The following CASZ1 variants were observed in gnomAD, a reference collection of about 807,000 sequenced individuals.
CASZ1 encodes zinc finger protein castor homolog 1.
A neutral mutation model predicts 135.2 loss-of-function variants in CASZ1; 28 were observed. The observed-to-expected ratio is 0.21, with a 90% CI of 0.15 to 0.28. The LOEUF (loss-of-function observed/expected upper bound fraction) is 0.28. Among genes scored for constraint, CASZ1 ranks in the 10% least tolerant of loss-of-function variants. The pLI is 1.00. For synonymous variants in CASZ1, 1,068 were observed against 1,073.4 expected (o/e 0.99, Z 0.10); for missense variants, 2,161 against 2,453.3 (o/e 0.88, Z 2.52).
intron 1 of CASZ1, among the ~76,000 whole-genome samples, chr1:10,765,456 C>T (rs545909050): frequency 2.0e-4 from 31 of 152,076 alleles, no homozygotes; most frequent in African/African-American, 7.0e-4. Flanking sequence ...TGTTGTGGCA[C>T]GAAAGTGTTT....
Position 10,751,971 on chromosome 1 carries a change from G to A in CASZ1, c.-77+8730C>T, listed in dbSNP as rs61116150. Reference sequence around the variant, plus strand: ...CACAGGAACGGATCTAGGATGTGAGGGGTCACCAGAGGGAGCAGTAAGGAC... The same window carrying A: ...CACAGGAACGGATCTAGGATGTGAGAGGTCACCAGAGGGAGCAGTAAGGAC... On this transcript the variant is annotated intron_variant, in intron 2 of 20. Coordinates refer to ENST00000377022, the MANE Select transcript of CASZ1 (RefSeq NM_001079843.3). Among the ~76,000 whole-genome samples, 407 of 152,288 alleles carry A rather than the reference G, an allele frequency of 2.7e-3. 1 individual carries two copies. Among genetic ancestry groups the A allele is most frequent in the African/African-American group, 9.6e-3 (399 of 41,576 alleles).
In CASZ1 at chr1:10,726,355, T is replaced by G. The variant is rs1639597005; in HGVS notation, c.-76-20811A>C. ...GGGCTACTGACCAACAGCCACGCTC[T>G]GGGATGCCGCCATCCTCAGCCTACT... is the stretch of plus-strand genomic sequence containing the variant. On this transcript the variant is annotated intron_variant, in intron 2 of 20. Transcript: ENST00000377022. The surrounding 1 kb of genome is among the most constrained non-coding windows in gnomAD (Gnocchi z 5.7). 6.6e-6 allele frequency among the ~76,000 whole-genome samples: 1 copy of G among 152,224 alleles called. No homozygotes were observed.
Position 10,660,028 on chromosome 1 carries a change from C to T in CASZ1, c.1014G>A (p.Lys338=), listed in dbSNP as rs1231911317. ...GGTACTTGACATTCTCCAGGTCGTA[C>T]TTGGATGGCTTCTTGTAGGTGCTCC... ...QNGSTYKKPS[K]YDLENVKYLH... The change falls in exon 6 of 21, where the codon AAG becomes AAA. Residue 338 remains lysine, a synonymous_variant. Transcript: ENST00000377022. 1.2e-6 allele frequency: 2 copies of T among 1,614,034 alleles called. No homozygotes were observed. The highest frequency in any genetic ancestry group is 2.7e-5 in the African/African-American group (2 of 74,924).
At chr1:10,728,920 A>T (rs1287900661) in intron 2 of CASZ1, among the ~76,000 whole-genome samples, 1 of 152,082 alleles carries the variant, frequency 6.6e-6, no homozygotes, top group Non-Finnish European at 1.5e-5. Context: ...AGGAGCTGGG[A>T]TGGGAAAGTT....
intron 1 of CASZ1, among the ~76,000 whole-genome samples, chr1:10,787,350 G>A (rs114296404): frequency 0.013 from 2,002 of 152,262 alleles, 46 homozygotes; most frequent in African/African-American, 0.044. Context: ...GGGGCCACCC[G>A]TGTCTCACCC....
rs1052944723 is a variant in CASZ1, at chr1:10,660,001, C to T, written c.1041G>A (p.Leu347=). The change falls in exon 6 of 21, where the codon CTG becomes CTA. Residue 347 remains leucine, a synonymous_variant. Coordinates refer to ENST00000377022, the MANE Select transcript of CASZ1 (RefSeq NM_001079843.3). The part of the protein sequence containing the change: ...SKYDLENVKY[L]HLFKPGEGSP... ...TGCCCTCCCCGGGTTTGAAGAGGTGCAGGTACTTGACATTCTCCAGGTCGT... is the reference window on the plus strand; with the variant it reads ...TGCCCTCCCCGGGTTTGAAGAGGTGTAGGTACTTGACATTCTCCAGGTCGT... 1 of 1,613,916 alleles carries T rather than the reference C, an allele frequency of 6.2e-7. No homozygotes were observed. Among genetic ancestry groups the T allele is most frequent in the Admixed American group, 1.7e-5 (1 of 60,006 alleles).
At position 10,781,074 on chromosome 1, in the gene CASZ1, C is replaced by A. The variant is rs138186591; in HGVS notation, c.-234+15490G>T. Among the ~76,000 whole-genome samples, 242 of 152,368 alleles carry A rather than the reference C, an allele frequency of 1.6e-3. 1 individual carries two copies. The highest frequency in any genetic ancestry group is 5.6e-3 in the African/African-American group (234 of 41,588). The stretch of plus-strand genomic sequence containing the variant: ...CATTCACATCCTTCACCTGTCTCCC[C>A]GCTCCCCTACTCGCCCCACCCCAAC... On this transcript the variant is annotated intron_variant, in intron 1 of 20. Transcript: ENST00000377022.
At chr1:10,704,998 G>C (rs1018155063) in intron 3 of CASZ1, among the ~76,000 whole-genome samples, 1 of 152,250 alleles carries the variant, frequency 6.6e-6, no homozygotes, top group African/African-American at 2.4e-5. Context: ...GCCTCTTAGG[G>C]AGGATGGAGG....
At chr1:10,684,435 T>C (rs558453124) in intron 4 of CASZ1, among the ~76,000 whole-genome samples, 1 of 152,228 alleles carries the variant, frequency 6.6e-6, no homozygotes, top group East Asian at 1.9e-4. Flanking sequence ...GAAGCAAGTT[T>C]TGGTAGCGCA....
Position 10,774,004 on chromosome 1 carries a change from C to T in CASZ1, c.-233-13147G>A, listed in dbSNP as rs1640618918. Among the ~76,000 whole-genome samples the T allele has an allele frequency of 6.6e-6, 1 of 152,128 alleles. No individual in the cohort carries two copies. Among genetic ancestry groups the T allele is most frequent in the African/African-American group, 2.4e-5 (1 of 41,418 alleles). On this transcript the variant is annotated intron_variant, in intron 1 of 20. Coordinates refer to ENST00000377022, the MANE Select transcript of CASZ1 (RefSeq NM_001079843.3). The surrounding 1 kb of genome is among the most constrained non-coding windows in gnomAD (Gnocchi z 4.4). The stretch of plus-strand genomic sequence containing the variant: ...GTCCTGGCAGCTCCCTGTGGTGGTC[C>T]GGAGCAAACCTCCTTAACTCTGATC...
rs1203085314 is a variant in CASZ1, at chr1:10,720,251, G to T, written c.-76-14707C>A. ...CGATGAGGGTAAAGCTCTTAGCAAA[G>T]TGTCTACACATTTCTATGTGGAAAA... is the stretch of plus-strand genomic sequence containing the variant. On this transcript the variant is annotated intron_variant, in intron 2 of 20. Coordinates refer to ENST00000377022, the MANE Select transcript of CASZ1 (RefSeq NM_001079843.3). The surrounding 1 kb of genome is among the most constrained non-coding windows in gnomAD (Gnocchi z 5.7). Among the ~76,000 whole-genome samples, 1 of 152,248 alleles carries T rather than the reference G, an allele frequency of 6.6e-6. No homozygotes were observed. Among genetic ancestry groups the T allele is most frequent in the Non-Finnish European group, 1.5e-5 (1 of 68,042 alleles).
intron 3 of CASZ1, among the ~76,000 whole-genome samples, chr1:10,703,982 G>T (rs1171157546): frequency 6.6e-6 from 1 of 152,226 alleles, no homozygotes; most frequent in African/African-American, 2.4e-5. Context: ...ACACGGAATG[G>T]CTGGCTTCAC....
chr1:10,646,827 CT>C lies in CASZ1; in HGVS notation c.3498-502del, dbSNP rs1642375829. On this transcript the variant is annotated intron_variant, in intron 16 of 20. Transcript: ENST00000377022. The surrounding 1 kb of genome is among the most constrained non-coding windows in gnomAD (Gnocchi z 6.4). ...AGGAGCGCGTGCCTGGTGTCAGCTC[CT>C]GGGGGCTCACAGCTGCTGGGCTCCC... 1.3e-5 allele frequency among the ~76,000 whole-genome samples: 2 copies of C among 152,192 alleles called. No homozygotes were observed. Among genetic ancestry groups the C allele is most frequent in the South Asian group, 4.1e-4 (2 of 4,834 alleles).
chr1:10,745,936 G>T (rs1257654505), intron 2 of CASZ1, among the ~76,000 whole-genome samples: 1 of 152,356 alleles, frequency 6.6e-6, no homozygotes, highest in South Asian at 2.1e-4. Context: ...CCTGGTGGCC[G>T]TGGTGCTGGC....
In CASZ1 at chr1:10,739,993, C is replaced by T. The variant is rs1470555760; in HGVS notation, c.-77+20708G>A. Among the ~76,000 whole-genome samples, 2 of 152,278 alleles carry T rather than the reference C, an allele frequency of 1.3e-5. No homozygotes were observed. Among genetic ancestry groups the T allele is most frequent in the South Asian group, 2.1e-4 (1 of 4,826 alleles). On this transcript the variant is annotated intron_variant, in intron 2 of 20. Coordinates refer to ENST00000377022, the MANE Select transcript of CASZ1 (RefSeq NM_001079843.3). The surrounding 1 kb of genome is among the most constrained non-coding windows in gnomAD (Gnocchi z 4.8). Reference sequence around the variant, plus strand: ...TGGACAAGGTCTCATTCCAGTGGCCCGGTGTCACAGCGTGTCCTCATTTGC... The same window carrying T: ...TGGACAAGGTCTCATTCCAGTGGCCTGGTGTCACAGCGTGTCCTCATTTGC...
At chr1:10,713,062 A>G (rs1179159423) in intron 2 of CASZ1, among the ~76,000 whole-genome samples, 1 of 152,248 alleles carries the variant, frequency 6.6e-6, no homozygotes, top group Non-Finnish European at 1.5e-5. Flanking sequence ...GAATGCGTGT[A>G]CATATATAAA....
rs1288802441 is a variant in CASZ1, at chr1:10,676,109, G to A, written c.17-10538C>T. On this transcript the variant is annotated intron_variant, in intron 4 of 20. Transcript: ENST00000377022. The surrounding 1 kb of genome is among the most constrained non-coding windows in gnomAD (Gnocchi z 4.5). ...CGGGGCTCCCCCTGGACCTAGGCCT[G>A]CTCAGAGGCTTGGGGGCCAAGGAAG... Among the ~76,000 whole-genome samples, 1 of 152,198 alleles carries A rather than the reference G, an allele frequency of 6.6e-6. No homozygotes were observed. Among genetic ancestry groups the A allele is most frequent in the African/African-American group, 2.4e-5 (1 of 41,454 alleles).
chr1:10,691,725 A>G (rs752114020), intron 4 of CASZ1, among the ~76,000 whole-genome samples: 9 of 152,264 alleles, frequency 5.9e-5, no homozygotes, highest in Non-Finnish European at 1.0e-4. Flanking sequence ...GAGTCAGCCC[A>G]GGGACCAGCT....
At chr1:10,784,822 T>C (rs1640826041) in intron 1 of CASZ1, among the ~76,000 whole-genome samples, 1 of 152,124 alleles carries the variant, frequency 6.6e-6, no homozygotes, top group African/African-American at 2.4e-5. Flanking sequence ...TGCCTCAGCC[T>C]CCCAAAGTGC....
Sources: gnomAD v4.1 joint callset for allele counts (sites outside exome capture counted in the v4.1 genomes callset) on GRCh38, gnomAD v4.1.1 for gene constraint, Gnocchi (gnomAD v3.1) non-coding constraint, MANE v1.5 for transcripts, NCBI Gene and HGNC (gene_info 2026-07-23, HGNC 2026-07-21) for gene names.